CCNY: variants seen among roughly 807,000 people sequenced by gnomAD.
CCNY encodes cyclin Y.
CCNY carries 19 observed loss-of-function variants against 42.8 expected under a neutral mutation model. The observed-to-expected ratio is 0.44, with a 90% CI of 0.31 to 0.65. CCNY has a LOEUF of 0.65. CCNY is among the 30% of genes least tolerant of loss of function. The probability of loss-of-function intolerance (pLI) is 0.07; values close to 1 mark genes in which losing one functional copy is unlikely to be tolerated. For synonymous variants in CCNY, 165 were observed against 162.7 expected (o/e 1.01, Z -0.11); for missense variants, 370 against 437.3 (o/e 0.85, Z 1.37).
intron 1 of CCNY, among the ~76,000 whole-genome samples, chr10:35,431,234 G>A (rs1296403815): frequency 6.6e-6 from 1 of 151,598 alleles, no homozygotes. Context: ...CTCCATTACT[G>A]TTCTTTAAAT....
intron 1 of CCNY, among the ~76,000 whole-genome samples, chr10:35,389,279 C>T (rs1271631708): frequency 6.6e-6 from 1 of 152,080 alleles, no homozygotes; most frequent in Admixed American, 6.6e-5. Flanking sequence ...ATTTTACAGA[C>T]TTCTCAAGGT....
intron 4 of CCNY, 39 bp downstream of exon 4, chr10:35,516,662 T>C (rs762115246): frequency 8.1e-5 from 5 of 61,838 alleles, no homozygotes; most frequent in Non-Finnish European, 1.1e-4. Flanking sequence ...CCTTCCTTCC[T>C]TTTTTTTTTT....
At chr10:35,402,945 G>A (rs1837675386) in intron 1 of CCNY, among the ~76,000 whole-genome samples, 1 of 152,214 alleles carries the variant, frequency 6.6e-6, no homozygotes, top group African/African-American at 2.4e-5. Context: ...ATGTCTGACA[G>A]AAGGGAAGAA....
At chr10:35,365,247 G>A (rs1836784864) in intron 1 of CCNY, among the ~76,000 whole-genome samples, 1 of 152,150 alleles carries the variant, frequency 6.6e-6, no homozygotes, top group Non-Finnish European at 1.5e-5. Context: ...GAAAGCAAGA[G>A]TAACATAAAT....
chr10:35,290,264 A>ACACACACACACAC (rs61407161), intron 3 of CCNY, among the ~76,000 whole-genome samples: 9 of 149,194 alleles, frequency 6.0e-5, no homozygotes, highest in Admixed American at 2.0e-4. Flanking sequence ...ACACACACAC[A>ACACACACACACAC]AAATTAGCTG....
At chr10:35,495,175 C>T (rs937212755) in intron 2 of CCNY, among the ~76,000 whole-genome samples, 1 of 152,310 alleles carries the variant, frequency 6.6e-6, no homozygotes, top group Non-Finnish European at 1.5e-5. Flanking sequence ...TTTTATGTAT[C>T]TCTGTGTTTT....
chr10:35,299,160 C>A (rs1835505325), intron 3 of CCNY, among the ~76,000 whole-genome samples: 1 of 152,136 alleles, frequency 6.6e-6, no homozygotes, highest in Non-Finnish European at 1.5e-5. Flanking sequence ...GATTTCAATC[C>A]TGCTGGATTT....
chr10:35,370,977 A>G (rs1405995018), intron 1 of CCNY, among the ~76,000 whole-genome samples: 1 of 152,204 alleles, frequency 6.6e-6, no homozygotes, highest in African/African-American at 2.4e-5. Context: ...GGCCTCTCAA[A>G]GTGCTAGGAT....
At chr10:35,314,481 G>A (rs1223589109) in intron 3 of CCNY, 2 of 151,970 alleles carry the variant, frequency 1.3e-5, no homozygotes, top group Non-Finnish European at 2.9e-5. Context: ...CACAACACGT[G>A]GGAATTGTGG....
intron 7 of CCNY, among the ~76,000 whole-genome samples, chr10:35,548,525 T>G (rs1841169261): frequency 1.3e-5 from 2 of 152,102 alleles, no homozygotes; most frequent in Admixed American, 6.6e-5. Flanking sequence ...CTCGATCTCC[T>G]GACCTTGTGA....
At chr10:35,312,234 A>T (rs1215330922) in intron 3 of CCNY, among the ~76,000 whole-genome samples, 1 of 151,696 alleles carries the variant, frequency 6.6e-6, no homozygotes, top group East Asian at 1.9e-4. Flanking sequence ...AAACAAAATT[A>T]GCCGGGTGTG....
intron 1 of CCNY, among the ~76,000 whole-genome samples, chr10:35,414,016 A>C (rs1453967648): frequency 6.6e-6 from 1 of 152,220 alleles, no homozygotes; most frequent in East Asian, 1.9e-4. Flanking sequence ...GTAGATTTGC[A>C]AATAAAGATA....
intron 1 of CCNY, among the ~76,000 whole-genome samples, chr10:35,456,928 A>G (rs1017726984): frequency 2.0e-5 from 3 of 152,234 alleles, no homozygotes; most frequent in Admixed American, 6.5e-5. Context: ...ATCCATGGCT[A>G]TAAAAAGAGG....
chr10:35,410,859 G>T lies in CCNY; in HGVS notation c.155-72545G>T, dbSNP rs563370176. ...GGAGTTTGCATTTCTGGAGTTCCAG[G>T]TGACGCTGATGTCGCTGGTCTAGAG... is the stretch of plus-strand genomic sequence containing the variant. On this transcript the variant is annotated intron_variant, in intron 1 of 9. Transcript: ENST00000374704. Among the ~76,000 whole-genome samples the T allele has an allele frequency of 7.2e-5, 11 of 152,296 alleles. No homozygotes were observed. The East Asian group carries it at 7.7e-4, about 11-fold the overall frequency.
chr10:35,323,073 G>A (rs1040118849), intron 3 of CCNY, among the ~76,000 whole-genome samples: 1 of 152,094 alleles, frequency 6.6e-6, no homozygotes, highest in Non-Finnish European at 1.5e-5. Context: ...TTACAGGTGT[G>A]TGCCACCATG....
At chr10:35,365,483 TTGC>T (rs1836790477) in intron 1 of CCNY, among the ~76,000 whole-genome samples, 3 of 151,474 alleles carry the variant, frequency 2.0e-5, no homozygotes, top group African/African-American at 7.4e-5. Flanking sequence ...TATTAAAAAA[TTGC>T]AGAAGAATAA....
intron 1 of CCNY, among the ~76,000 whole-genome samples, chr10:35,389,439 CTT>C (rs1365155125): frequency 1.2e-4 from 14 of 120,532 alleles, no homozygotes; most frequent in Admixed American, 1.7e-4. Context: ...GAAAACTGTG[CTT>C]TTTTTTTTTT....
At chr10:35,286,086 A>G (rs2034017168) in intron 3 of CCNY, among the ~76,000 whole-genome samples, 1 of 152,120 alleles carries the variant, frequency 6.6e-6, no homozygotes, top group African/African-American at 2.4e-5. Context: ...TGCTGGGATT[A>G]CAGGCGTGAA....
chr10:35,543,626 C>T (rs994041965), intron 7 of CCNY, among the ~76,000 whole-genome samples: 9 of 152,112 alleles, frequency 5.9e-5, no homozygotes, highest in East Asian at 3.9e-4. Flanking sequence ...TGATAATAAA[C>T]GACTCTGTTA....
Sources: gnomAD v4.1 joint callset for allele counts (sites outside exome capture counted in the v4.1 genomes callset) on GRCh38, gnomAD v4.1.1 for gene constraint, MANE v1.5 for transcripts, NCBI Gene and HGNC (gene_info 2026-07-23, HGNC 2026-07-21) for gene names.